The following ZNF44 variants were observed in gnomAD, a reference collection of about 807,000 sequenced individuals.
ZNF44 encodes zinc finger protein 44, also known as gonadotropin inducible transcription repressor-2.
In ZNF44, 9 loss-of-function variants were observed where a neutral mutation model predicts 11.7. The ratio of observed to expected loss-of-function variants is 0.77; its 90% CI spans 0.46 to 1.35. The LOEUF is 1.35. Among genes scored for constraint, ZNF44 ranks in the 40% most tolerant of loss-of-function variants. ZNF44 has a pLI of 0.00. For synonymous variants in ZNF44, 224 were observed against 242.7 expected (o/e 0.92, Z 0.72); for missense variants, 696 against 743.1 (o/e 0.94, Z 0.74).
intron 7 of ZNF44, among the ~76,000 whole-genome samples, chr19:12,249,070 G>A (rs902486324): frequency 5.3e-5 from 8 of 151,816 alleles, no homozygotes; most frequent in Non-Finnish European, 8.8e-5. Flanking sequence ...CTGCCATTGC[G>A]CCCGGCTACT....
intron 1 of ZNF44, among the ~76,000 whole-genome samples, chr19:12,292,861 T>TTTG (rs1463825877): frequency 1.7e-5 from 2 of 116,546 alleles, no homozygotes; most frequent in Non-Finnish European, 3.5e-5. Flanking sequence ...TTAGGTTTTT[T>TTTG]TTTTTTTTTT....
chr19:12,227,466 G>C (rs1915967734), intron 3 of ZNF44, among the ~76,000 whole-genome samples: 1 of 152,188 alleles, frequency 6.6e-6, no homozygotes, highest in African/African-American at 2.4e-5. Flanking sequence ...GCCAGGTGTG[G>C]TGGTGTGCAC....
At chr19:12,260,891 GAAGA>G (rs1917480567) in intron 5 of ZNF44, among the ~76,000 whole-genome samples, 2 of 152,260 alleles carry the variant, frequency 1.3e-5, no homozygotes, top group African/African-American at 4.8e-5. Flanking sequence ...CAGAACAAGA[GAAGA>G]TAGACCCATG....
At chr19:12,263,635 A>C (rs1917607699) in intron 5 of ZNF44, among the ~76,000 whole-genome samples, 1 of 151,940 alleles carries the variant, frequency 6.6e-6, no homozygotes, top group African/African-American at 2.4e-5. Flanking sequence ...AAAAAAACAA[A>C]AAAATTAGCG....
At chr19:12,265,372 GAC>G (rs1452392559) in intron 5 of ZNF44, among the ~76,000 whole-genome samples, 1 of 151,540 alleles carries the variant, frequency 6.6e-6, no homozygotes, top group Non-Finnish European at 1.5e-5. Flanking sequence ...GCGAGAGGGA[GAC>G]ACTGTCTCAA....
intron 1 of ZNF44, among the ~76,000 whole-genome samples, chr19:12,279,039 T>C (rs1967356870): frequency 6.6e-6 from 1 of 152,192 alleles, no homozygotes; most frequent in Non-Finnish European, 1.5e-5. Flanking sequence ...TTTTGTTTGT[T>C]TCATCTTCTT....
At chr19:12,294,579 G>C in intron 1 of ZNF44, 113 bp downstream of exon 1, 1 of 1,434,110 alleles carries the variant, frequency 7.0e-7, no homozygotes, top group Admixed American at 2.2e-5. Flanking sequence ...GGGGCGCTCA[G>C]GTCCCAGACC....
chr19:12,248,643 T>C (rs1916855163), exon 8 of ZNF44: 2 of 1,310,358 alleles, frequency 1.5e-6, no homozygotes, highest in African/African-American at 3.0e-5. Flanking sequence ...ATGACTACCT[T>C]CTTTACTTTC....
intron 5 of ZNF44, among the ~76,000 whole-genome samples, chr19:12,265,857 C>A (rs1200522378): frequency 6.6e-6 from 1 of 152,198 alleles, no homozygotes; most frequent in Non-Finnish European, 1.5e-5. Context: ...TTAGAAACTG[C>A]GACTTTATGG....
At chr19:12,278,209 C>T (rs1208777107) in intron 1 of ZNF44, among the ~76,000 whole-genome samples, 1 of 152,218 alleles carries the variant, frequency 6.6e-6, no homozygotes, top group Admixed American at 6.5e-5. Flanking sequence ...TAGCATGGGC[C>T]ATCTGTGCCT....
At chr19:12,239,631 A>G (rs1916541568), upstream of ZNF44, among the ~76,000 whole-genome samples, 1 of 134,834 alleles carries the variant, frequency 7.4e-6, no homozygotes, top group African/African-American at 2.8e-5. Flanking sequence ...GCTGGAGTGC[A>G]GTGGCGTGGT....
chr19:12,275,990 C>G lies in ZNF44; in HGVS notation c.96G>C (p.Val32=). Residue 32 remains valine (V), a synonymous_variant, in exon 2 of 4, where the codon GTG becomes GTC. Transcript: ENST00000355684. ...GPSQKNLYRD[V]MRETIRNLNC... is the part of the protein sequence containing the mutation. ...TCAGGTTCCTAATGGTTTCTCGCAT[C>G]ACATCTCTGTAGAGATTCTTCTGTG... 1 of 1,608,800 alleles carries G rather than the reference C, an allele frequency of 6.2e-7. No individual in the cohort carries two copies. The highest frequency in any genetic ancestry group is 8.5e-7 in the Non-Finnish European group (1 of 1,176,416).
chr19:12,241,804 T>C (rs370472453), upstream of ZNF44, among the ~76,000 whole-genome samples: 1 of 152,134 alleles, frequency 6.6e-6, no homozygotes, highest in Non-Finnish European at 1.5e-5. Flanking sequence ...GCTCAACATA[T>C]GGATGGATAA....
intron 5 of ZNF44, among the ~76,000 whole-genome samples, chr19:12,253,833 G>A (rs1485173774): frequency 6.6e-6 from 1 of 152,046 alleles, no homozygotes; most frequent in African/African-American, 2.4e-5. Flanking sequence ...ACAAAAATTA[G>A]CCAGGCGTGG....
intron 1 of ZNF44, among the ~76,000 whole-genome samples, chr19:12,281,772 G>A (rs939667962): frequency 1.1e-4 from 16 of 152,052 alleles, no homozygotes; most frequent in African/African-American, 3.6e-4. Context: ...CCACATATTT[G>A]ATAAAATTAC....
rs528915034 is a variant in ZNF44, at chr19:12,285,401, G to A, written c.3+9291C>T. ...CTCCCGAGTAGCTGGGATTACAGGC[G>A]CCCGCCACCACGTCCGGATATTTTG... On this transcript the variant is annotated intron_variant, in intron 1 of 3. Transcript: ENST00000355684. 2.4e-4 allele frequency among the ~76,000 whole-genome samples: 36 copies of A among 152,098 alleles called. 1 individual carries two copies. The highest frequency in any genetic ancestry group is 3.4e-3 in the Middle Eastern group (1 of 294).
chr19:12,234,208 G>T (rs1011509439), intron 2 of ZNF44, among the ~76,000 whole-genome samples: 1 of 152,146 alleles, frequency 6.6e-6, no homozygotes, highest in East Asian at 1.9e-4. Context: ...TCTGCAACAA[G>T]GCTCCCCCAT....
In ZNF44 at chr19:12,252,781, CAGGTA is replaced by C. The variant is rs536194802; in HGVS notation, c.1913-2418_1913-2414del. The stretch of plus-strand genomic sequence containing the variant: ...TGTTAAGAGAGGGAAAAAATGAAAT[CAGGTA>C]AGGTAAAGAGTCAAACACTGAAGTC... On this transcript the variant is annotated intron_variant and NMD_transcript_variant, in intron 5 of 7. Transcript: ENST00000393337. Among the ~76,000 whole-genome samples the C allele has an allele frequency of 4.9e-3, 729 of 149,660 alleles. 2 individuals carry two copies. Among genetic ancestry groups the C allele is most frequent in the Non-Finnish European group, 8.1e-3 (550 of 67,568 alleles).
chr19:12,229,099 A>AT (rs932627839), intron 3 of ZNF44, among the ~76,000 whole-genome samples: 107 of 152,008 alleles, frequency 7.0e-4, no homozygotes, highest in African/African-American at 1.9e-3. Context: ...TTAAGCACTT[A>AT]TTTTTTTTGC....
Sources: allele counts gnomAD v4.1 joint callset (sites outside exome capture counted in the v4.1 genomes callset), GRCh38; gene constraint gnomAD v4.1.1; transcripts MANE v1.5; gene names NCBI Gene and HGNC (gene_info 2026-07-23, HGNC 2026-07-21).